Variants in POSTN observed in about 807,000 individuals in gnomAD.
POSTN encodes the protein osteoblast specific factor 2 (fasciclin I-like).
POSTN carries 71 observed loss-of-function variants against 104.5 expected under a neutral mutation model. The ratio of observed to expected loss-of-function variants is 0.68; its 90% confidence interval spans 0.56 to 0.83. The LOEUF is 0.83. Among genes scored for constraint, POSTN ranks in the 40% least tolerant of loss-of-function variants. The probability of loss-of-function intolerance (pLI) is 0.00; values close to 1 mark genes in which losing one functional copy is unlikely to be tolerated. For missense variants in POSTN, 949 were observed against 1,006.8 expected (o/e 0.94, Z 0.78); for synonymous variants, 355 against 340.7 (o/e 1.04, Z -0.46).
Position 37,597,267 on chromosome 13 carries a change from G to A in POSTN, c.135C>T (p.Ala45=). 1 of 1,583,164 alleles carries A rather than the reference G, an allele frequency of 6.3e-7. No homozygotes were observed. The highest frequency in any genetic ancestry group is 8.6e-7 in the Non-Finnish European group (1 of 1,168,136). The change falls in exon 2 of 23, where the codon GCC becomes GCT. Residue 45 remains alanine (A), a synonymous_variant. Transcript: ENST00000379747. ...TTTTGGTGCCCAAAATCTGTTGAAG[G>A]GCACAGACATTTGGGCTGGAGGATA... ...RGRDQGPNVC[A]LQQILGTKKK... is the part of the protein sequence containing the mutation.
At chr13:37,577,821 A>T (rs1207148728) in intron 15 of POSTN, 23 bp from the exon 16 acceptor site, 1 of 1,613,284 alleles carries the variant, frequency 6.2e-7, no homozygotes, top group Non-Finnish European at 8.5e-7. Flanking sequence ...GTTTATATTT[A>T]GTAACATGAA....
Position 37,570,639 on chromosome 13 carries a change from A to T in POSTN, c.2210T>A (p.Ile737Asn). 1 of 1,608,554 alleles carries T rather than the reference A, an allele frequency of 6.2e-7. No individual in the cohort carries two copies. The highest frequency in any genetic ancestry group is 2.2e-5 in the East Asian group (1 of 44,686). ...EPIIKKYTKI[I>N]DGVPVEITEK... is the part of the protein sequence containing the mutation. ...AGTTATTTCCACAGGCACTCCATCA[A>T]TGATTTTGGTGTATTTTTTAATAAT... The change falls in exon 19 of 23, where the codon ATT (isoleucine) becomes AAT (asparagine). Residue 737 changes from isoleucine to asparagine, a missense_variant. Coordinates refer to ENST00000379747, the MANE Select transcript of POSTN (RefSeq NM_006475.3).
chr13:37,598,468 A>G, intron 1 of POSTN, 140 bp downstream of exon 1: 1 of 689,628 alleles, frequency 1.5e-6, no homozygotes, highest in Non-Finnish European at 2.3e-6. Context: ...GAATACTCAC[A>G]TTTTCCTTTT....
At chr13:37,587,554 C>A (rs1950785690) in intron 5 of POSTN, among the ~76,000 whole-genome samples, 1 of 152,104 alleles carries the variant, frequency 6.6e-6, no homozygotes, top group African/African-American at 2.4e-5. Flanking sequence ...TTATTTCAAA[C>A]ATATCAACTA....
At chr13:37,586,682 AC>A in intron 6 of POSTN, 99 bp downstream of exon 6, 1 of 1,182,140 alleles carries the variant, frequency 8.5e-7, no homozygotes, top group African/African-American at 1.6e-5. Context: ...AATATGTGTT[AC>A]ATTTTTGCCA....
intron 5 of POSTN, 38 bp from the exon 6 acceptor site, chr13:37,586,966 A>G: frequency 6.2e-7 from 1 of 1,601,894 alleles, no homozygotes; most frequent in East Asian, 2.2e-5. Flanking sequence ...CTGAAACCAG[A>G]GATACCCATT....
At chr13:37,570,956 A>T (rs912131373) in intron 18 of POSTN, 2 of 328,908 alleles carry the variant, frequency 6.1e-6, no homozygotes, top group African/African-American at 4.2e-5. Context: ...GAATCCAGGG[A>T]GTTCTATATC....
chr13:37,580,119 T>C lies in POSTN; in HGVS notation c.1530-128A>G, dbSNP rs1950535643. On this transcript the variant is annotated intron_variant, in intron 11 of 22. Transcript: ENST00000379747. Reference sequence around the variant, plus strand: ...AGAGAACTGCTCATACATTTTCATATGTTTCGAATACAATTTACCTGTTAA... The same window carrying C: ...AGAGAACTGCTCATACATTTTCATACGTTTCGAATACAATTTACCTGTTAA... The C allele has an allele frequency of 4.7e-6, 4 of 857,054 alleles. No homozygotes were observed. The East Asian group carries it at 7.9e-5, about 17-fold the overall frequency. The allele number at this position is 857,054 out of a possible 1,614,324, so 53.1% of individuals were successfully genotyped here.
At chr13:37,577,568 G>T (rs1056288124) in intron 16 of POSTN, among the ~76,000 whole-genome samples, 185 bp downstream of exon 16, 12 of 152,148 alleles carry the variant, frequency 7.9e-5, no homozygotes, top group African/African-American at 2.9e-4. Flanking sequence ...AATGAGTGGG[G>T]AAGAAGTTCA....
At position 37,567,778 on chromosome 13, in the gene POSTN, T is replaced by G. The variant is rs73452546; in HGVS notation, c.2431+1522A>C. 9.5e-3 allele frequency among the ~76,000 whole-genome samples: 1,452 copies of G among 152,248 alleles called. 19 individuals carry two copies. Among genetic ancestry groups the G allele is most frequent in the African/African-American group, 0.033 (1,379 of 41,542 alleles). On this transcript the variant is annotated intron_variant, in intron 21 of 22. Coordinates refer to ENST00000379747, the MANE Select transcript of POSTN (RefSeq NM_006475.3). ...AACTAAAAATTGAATGTCATATACT[T>G]AACTTGTAGCAGTTATATGTTTTCT...
chr13:37,570,587 G>C lies in POSTN; in HGVS notation c.2262C>G (p.Ile754Met). Residue 754 changes from isoleucine to methionine, a missense_variant, in exon 19 of 23, where the codon ATC becomes ATG. Transcript: ENST00000379747. Reference sequence around the variant, plus strand: ...TATGGAATTAATGGCTACCTGTAATGATTCGTTCTTCTCGTGTCTCTTTTT... The same window carrying C: ...TATGGAATTAATGGCTACCTGTAATCATTCGTTCTTCTCGTGTCTCTTTTT... ...ITEKETREER[I>M]ITGPEIKYTR... 6.3e-7 allele frequency: 1 copy of C among 1,592,280 alleles called. No homozygotes were observed. The highest frequency in any genetic ancestry group is 1.1e-5 in the South Asian group (1 of 90,486).
intron 11 of POSTN, among the ~76,000 whole-genome samples, chr13:37,580,194 TTTTCATCTGA>T (rs1950538243): frequency 1.3e-5 from 2 of 152,194 alleles, no homozygotes; most frequent in South Asian, 4.1e-4. Context: ...TTTTTAATTT[TTTTCATCTGA>T]TTTCATCCTA....
At chr13:37,564,805 A>G in intron 21 of POSTN, 1 of 328,284 alleles carries the variant, frequency 3.0e-6, no homozygotes, top group Non-Finnish European at 5.5e-6. Flanking sequence ...TTGTTTCATT[A>G]TGGATTTTGG....
At chr13:37,597,867 A>G (rs1951128570) in intron 1 of POSTN, among the ~76,000 whole-genome samples, 1 of 152,202 alleles carries the variant, frequency 6.6e-6, no homozygotes, top group South Asian at 2.1e-4. Context: ...CTCTGTCACA[A>G]TTTTAAGGTT....
chr13:37,595,649 A>T (rs768820192), intron 2 of POSTN, among the ~76,000 whole-genome samples: 8 of 152,108 alleles, frequency 5.3e-5, no homozygotes, highest in Non-Finnish European at 8.8e-5. Flanking sequence ...ATTTGTTTAA[A>T]AGAGTTTAAT....
chr13:37,562,751 T>C lies in POSTN; in HGVS notation c.*582A>G, dbSNP rs543863037. Reference sequence around the variant, plus strand: ...AATGGTTTTATTGAAACGTTTGAGATTAAAAAATATGCATTGCAAGAAGCA... The same window carrying C: ...AATGGTTTTATTGAAACGTTTGAGACTAAAAAATATGCATTGCAAGAAGCA... On this transcript the variant is annotated 3_prime_UTR_variant, in exon 23 of 23. Transcript: ENST00000379747. 2 of 152,252 alleles carry C rather than the reference T, an allele frequency of 1.3e-5. No individual in the cohort carries two copies. Among genetic ancestry groups the C allele is most frequent in the South Asian group, 4.1e-4 (2 of 4,826 alleles). The allele number at this position is 152,252 out of a possible 1,614,324, so 9.4% of individuals were successfully genotyped here. A position where few individuals can be genotyped will look rare whatever the true frequency, so the allele number is the denominator to read the frequency against.
chr13:37,578,263 T>A (rs966693370), intron 15 of POSTN, among the ~76,000 whole-genome samples: 1 of 152,178 alleles, frequency 6.6e-6, no homozygotes, highest in African/African-American at 2.4e-5. Context: ...AATAAAGACA[T>A]GTCCAATTTA....
rs181616097 is a variant in POSTN at position 37,582,622 on chromosome 13, T to C, written c.1244-108A>G. The C allele has an allele frequency of 5.9e-4, 639 of 1,082,982 alleles. 6 individuals carry two copies. The East Asian group carries it at 0.013, about 22-fold the overall frequency. 67.1% of individuals were successfully genotyped at this position (1,082,982 alleles called of 1,614,324 possible). On this transcript the variant is annotated intron_variant, in intron 9 of 22. Transcript: ENST00000379747. ...CAGATAATCCCTGACATTATTGATA[T>C]CATGGATTTTGCACTCATATAATAC...
chr13:37,592,676 C>T (rs1950974777), intron 2 of POSTN, among the ~76,000 whole-genome samples: 1 of 152,098 alleles, frequency 6.6e-6, no homozygotes, highest in Non-Finnish European at 1.5e-5. Flanking sequence ...AATGTTGATC[C>T]AGAAGAACGA....
Sources: allele counts gnomAD v4.1 joint callset (sites outside exome capture counted in the v4.1 genomes callset), GRCh38; gene constraint gnomAD v4.1.1; transcripts MANE v1.5; gene names NCBI Gene and HGNC (gene_info 2026-07-23, HGNC 2026-07-21).